Variants in RLIG1 observed in about 807,000 individuals in gnomAD.
The protein encoded by RLIG1 is RNA ligase 1.
chr12:88,035,753 C>G, the RLIG1 span: 2 of 1,581,494 alleles, frequency 1.3e-6, no homozygotes, highest in African/African-American at 2.7e-5. Context: ...GGAGGAGCGC[C>G]GGGCAGGCTT....
chr12:88,036,146 T>C, the RLIG1 span: 6 of 1,232,168 alleles, frequency 4.9e-6, no homozygotes, highest in South Asian at 6.3e-5. Context: ...GAAGACTTGC[T>C]TTACCTGTTC....
chr12:88,048,156 C>T, the RLIG1 span: 5 of 1,126,464 alleles, frequency 4.4e-6, no homozygotes, highest in Admixed American at 6.2e-5. Context: ...ACCTGGCAGA[C>T]AGTGGGCACT....
chr12:88,049,579 G>T, the RLIG1 span: 1 of 525,512 alleles, frequency 1.9e-6, no homozygotes. Context: ...ATTGTACAGT[G>T]TAAATAACTA....
At chr12:88,043,572 C>T in the RLIG1 span, 1 of 1,463,048 alleles carries the variant, frequency 6.8e-7, no homozygotes, top group Non-Finnish European at 9.3e-7. Flanking sequence ...TCACCACATA[C>T]AATATTATCT....
chr12:88,040,048 C>A, the RLIG1 span: 1 of 717,134 alleles, frequency 1.4e-6, no homozygotes, highest in Non-Finnish European at 2.5e-6. Flanking sequence ...GGAGATCATT[C>A]CTTAAAACTA....
At chr12:88,037,547 C>G in the RLIG1 span, among the ~76,000 whole-genome samples, 5 of 152,190 alleles carry the variant, frequency 3.3e-5, no homozygotes, top group Non-Finnish European at 5.9e-5. Flanking sequence ...TAGATACACA[C>G]ACACTGCTAT....
the RLIG1 span, chr12:88,048,260 C>G: frequency 1.3e-6 from 2 of 1,584,350 alleles, no homozygotes; most frequent in South Asian, 2.4e-5. Context: ...TTGGCTTATG[C>G]TGGCCAATTC....
the RLIG1 span, chr12:88,040,262 A>C: frequency 2.7e-6 from 4 of 1,499,822 alleles, no homozygotes; most frequent in South Asian, 4.7e-5. Flanking sequence ...TACTACCTAT[A>C]AAGGTAAAAT....
chr12:88,038,011 G>A, the RLIG1 span, among the ~76,000 whole-genome samples: 2 of 152,064 alleles, frequency 1.3e-5, no homozygotes, highest in Non-Finnish European at 2.9e-5. Flanking sequence ...CAAAAAGTGA[G>A]TACTCTCAAA....
chr12:88,040,736 A>G, the RLIG1 span, among the ~76,000 whole-genome samples: 1 of 152,166 alleles, frequency 6.6e-6, no homozygotes, highest in Non-Finnish European at 1.5e-5. Context: ...ATGTAGTTTA[A>G]AAGGTAGAAA....
At chr12:88,042,861 C>A in the RLIG1 span, 2 of 1,557,290 alleles carry the variant, frequency 1.3e-6, no homozygotes, top group South Asian at 1.2e-5. Context: ...GATAGAAAAC[C>A]CAACAAACAA....
the RLIG1 span, among the ~76,000 whole-genome samples, chr12:88,037,046 T>C: frequency 1.3e-5 from 2 of 152,178 alleles, no homozygotes; most frequent in African/African-American, 2.4e-5. Flanking sequence ...ATCCACATTC[T>C]TAATTATAAT....
the RLIG1 span, chr12:88,044,975 T>C: frequency 2.0e-5 from 3 of 152,460 alleles, no homozygotes; most frequent in African/African-American, 7.2e-5. Context: ...TGGTTTTTAA[T>C]CAGTGGTACA....
the RLIG1 span, among the ~76,000 whole-genome samples, chr12:88,046,640 T>C: frequency 2.6e-5 from 4 of 152,172 alleles, no homozygotes; most frequent in African/African-American, 7.2e-5. Flanking sequence ...TTTAGAGTTA[T>C]TGGAATAAGG....
At chr12:88,035,664 T>A in the RLIG1 span, 1 of 1,607,390 alleles carries the variant, frequency 6.2e-7, no homozygotes, top group Middle Eastern at 1.7e-4. Flanking sequence ...GCGCTTGGGC[T>A]CCGTGCAGCG....
the RLIG1 span, chr12:88,045,325 G>T: frequency 1.7e-5 from 6 of 351,282 alleles, no homozygotes; most frequent in East Asian, 3.5e-4. Context: ...TAATGAATAA[G>T]GGTGAATTTT....
the RLIG1 span, chr12:88,040,035 A>G: frequency 5.7e-6 from 4 of 700,714 alleles, no homozygotes; most frequent in African/African-American, 1.8e-5. Context: ...TGAAAGATGA[A>G]CTGGAGATCA....
the RLIG1 span, among the ~76,000 whole-genome samples, chr12:88,040,510 A>G: frequency 6.6e-6 from 1 of 152,166 alleles, no homozygotes; most frequent in African/African-American, 2.4e-5. Context: ...GGTGCTTGAC[A>G]TATATTATCT....
the RLIG1 span, among the ~76,000 whole-genome samples, chr12:88,040,950 T>A: frequency 6.6e-6 from 1 of 152,210 alleles, no homozygotes. Flanking sequence ...ATAACTGGGC[T>A]AAAGCATACA....
Sources: allele counts gnomAD v4.1 joint callset (sites outside exome capture counted in the v4.1 genomes callset), GRCh38; gene constraint gnomAD v4.1.1; transcripts MANE v1.5; gene names NCBI Gene and HGNC (gene_info 2026-07-23, HGNC 2026-07-21).